The following ROBO2 variants were observed in gnomAD, a reference collection of about 807,000 sequenced individuals.
ROBO2 encodes roundabout homolog 2.
ROBO2 carries 53 observed loss-of-function variants against 160.8 expected under a neutral mutation model. That is an observed-to-expected ratio of 0.33 (90% CI 0.26 to 0.41). The LOEUF (loss-of-function observed/expected upper bound fraction) is 0.41. Ranked by LOEUF, ROBO2 falls within the 10% of genes least tolerant of loss-of-function variation. The probability of loss-of-function intolerance (pLI) is 1.00; values close to 1 mark genes in which losing one functional copy is unlikely to be tolerated. For synonymous variants in ROBO2, 664 were observed against 611.7 expected, an observed-to-expected ratio of 1.09 and a Z score of -1.26; for missense variants, 1,577 against 1,722.4, an observed-to-expected ratio of 0.92 and a Z score of 1.49.
intron 2 of ROBO2, among the ~76,000 whole-genome samples, chr3:76,060,488 A>AAAATCT (rs2068036235): frequency 6.6e-6 from 1 of 152,232 alleles, no homozygotes; most frequent in Non-Finnish European, 1.5e-5. Context: ...TAATCAGCAC[A>AAAATCT]GGAAATTTTG....
At chr3:76,540,080 C>T (rs1337252762) in intron 2 of ROBO2, among the ~76,000 whole-genome samples, 1 of 151,686 alleles carries the variant, frequency 6.6e-6, no homozygotes, top group Non-Finnish European at 1.5e-5. Context: ...CCTAAAAAGG[C>T]ATTCCTGTAA....
chr3:76,773,709 A>G (rs899138814), intron 2 of ROBO2, among the ~76,000 whole-genome samples: 4 of 150,886 alleles, frequency 2.7e-5, no homozygotes, highest in South Asian at 2.1e-4. Flanking sequence ...ATATTCCTAT[A>G]TCATATATAG....
chr3:77,630,195 G>C (rs533842895), intron 23 of ROBO2: 1 of 152,314 alleles, frequency 6.6e-6, no homozygotes, highest in African/African-American at 2.4e-5. Context: ...GGCTGTAAGA[G>C]TGAATGAGGA....
At chr3:77,323,127 TA>T (rs1222962797) in intron 2 of ROBO2, among the ~76,000 whole-genome samples, 1 of 145,278 alleles carries the variant, frequency 6.9e-6, no homozygotes, top group South Asian at 2.1e-4. Flanking sequence ...ATTACAATTA[TA>T]AAAAAAGTGT....
chr3:77,114,763 T>A (rs961011585), intron 2 of ROBO2, among the ~76,000 whole-genome samples: 11 of 152,162 alleles, frequency 7.2e-5, no homozygotes, highest in African/African-American at 2.7e-4. Context: ...ATAATTTTTT[T>A]AAAAAAGCAA....
chr3:76,864,800 G>T (rs2071185301), intron 2 of ROBO2, among the ~76,000 whole-genome samples: 1 of 152,028 alleles, frequency 6.6e-6, no homozygotes, highest in Admixed American at 6.6e-5. Context: ...AATCAATAAT[G>T]ATCTAAACTT....
chr3:77,071,072 C>T (rs1470258015), intron 1 of ROBO2, among the ~76,000 whole-genome samples: 5 of 152,098 alleles, frequency 3.3e-5, no homozygotes, highest in African/African-American at 4.8e-5. Flanking sequence ...TTTCGGAAGC[C>T]GCAGAAGGTT....
intron 2 of ROBO2, among the ~76,000 whole-genome samples, chr3:76,440,271 A>C (rs893651243): frequency 1.3e-5 from 2 of 151,742 alleles, no homozygotes; most frequent in African/African-American, 2.4e-5. Context: ...ATTATTATAC[A>C]TTAAGTTTTA....
intron 2 of ROBO2, among the ~76,000 whole-genome samples, chr3:77,228,261 G>A (rs2151260896): frequency 6.6e-6 from 1 of 152,084 alleles, no homozygotes; most frequent in South Asian, 2.1e-4. Context: ...TGAACTCCCG[G>A]GCTCAAGGGA....
intron 2 of ROBO2, chr3:77,316,819 A>G: frequency 7.6e-7 from 1 of 1,309,290 alleles, no homozygotes; most frequent in Non-Finnish European, 1.1e-6. Flanking sequence ...GCCATCCAGG[A>G]GAGCTGACAG....
chr3:76,236,861 T>C (rs766413149), intron 2 of ROBO2, among the ~76,000 whole-genome samples: 3 of 152,056 alleles, frequency 2.0e-5, no homozygotes, highest in Non-Finnish European at 2.9e-5. Context: ...AATATAACCC[T>C]AAGGTATATA....
rs143533144 is a variant in ROBO2, at chr3:77,427,339, A to T, written c.389-50075A>T. ...TGCTAGTCAGTGTTGTAAGCACTTG[A>T]TGTATTATTTCATTTAATTATTACA... is the stretch of plus-strand genomic sequence containing the variant. On this transcript the variant is annotated intron_variant, in intron 2 of 25. Transcript: ENST00000461745. Among the ~76,000 whole-genome samples, 410 of 152,320 alleles carry T rather than the reference A, an allele frequency of 2.7e-3. 1 individual carries two copies. Among genetic ancestry groups the T allele is most frequent in the African/African-American group, 9.3e-3 (385 of 41,570 alleles).
intron 2 of ROBO2, among the ~76,000 whole-genome samples, chr3:77,138,387 T>C (rs1436285087): frequency 6.6e-6 from 1 of 152,238 alleles, no homozygotes. Flanking sequence ...ACGGATTTTT[T>C]TCTCGATAGT....
Position 76,327,801 on chromosome 3 carries a change from G to A in ROBO2, c.109+390199G>A, listed in dbSNP as rs186663850. On this transcript the variant is annotated intron_variant, in intron 2 of 26. Coordinates refer to the ROBO2 transcript ENST00000487694. ...TGTGAGGAAACAGTCTGGATGTCATGCTTTTTGAAATATTGGATTAAAGAA... is the reference window on the plus strand; with the variant it reads ...TGTGAGGAAACAGTCTGGATGTCATACTTTTTGAAATATTGGATTAAAGAA... Among the ~76,000 whole-genome samples the A allele has an allele frequency of 3.0e-3, 460 of 152,232 alleles. 2 individuals carry two copies. Among genetic ancestry groups the A allele is most frequent in the African/African-American group, 0.011 (439 of 41,532 alleles).
exon 5 of ROBO2, chr3:77,493,316 A>G (rs1191746292): frequency 1.2e-6 from 2 of 1,613,970 alleles, no homozygotes. Flanking sequence ...TTTCGTTGTC[A>G]AGTCCAAGGA....
intron 2 of ROBO2, among the ~76,000 whole-genome samples, chr3:76,852,503 A>T (rs2069513311): frequency 6.6e-6 from 1 of 152,176 alleles, no homozygotes; most frequent in Non-Finnish European, 1.5e-5. Context: ...TCTTGAGATC[A>T]TGATGTCATC....
intron 2 of ROBO2, among the ~76,000 whole-genome samples, chr3:76,264,538 G>T (rs2107605804): frequency 6.6e-6 from 1 of 152,142 alleles, no homozygotes; most frequent in Admixed American, 6.6e-5. Flanking sequence ...CCGATGAAAT[G>T]GATGCAGTTA....
intron 2 of ROBO2, among the ~76,000 whole-genome samples, chr3:77,211,277 C>T (rs1342447621): frequency 1.3e-5 from 2 of 152,152 alleles, no homozygotes; most frequent in Non-Finnish European, 2.9e-5. Flanking sequence ...TAATGATCAC[C>T]ATTCTAACTG....
chr3:76,270,299 C>T (rs1307308861), intron 2 of ROBO2, among the ~76,000 whole-genome samples: 1 of 151,966 alleles, frequency 6.6e-6, no homozygotes, highest in East Asian at 1.9e-4. Context: ...TGTGGGTTCT[C>T]TTCATTTCTT....
Sources: gnomAD v4.1 joint callset for allele counts (sites outside exome capture counted in the v4.1 genomes callset) on GRCh38, gnomAD v4.1.1 for gene constraint, MANE v1.5 for transcripts, NCBI Gene and HGNC (gene_info 2026-07-23, HGNC 2026-07-21) for gene names.